The following GRIA1 variants were observed in gnomAD, a reference collection of about 807,000 sequenced individuals.
GRIA1 encodes glutamate ionotropic receptor AMPA type subunit 1.
GRIA1 carries 31 observed loss-of-function variants against 99.2 expected under a neutral mutation model. The ratio of observed to expected loss-of-function variants is 0.31; its 90% confidence interval spans 0.23 to 0.42. The LOEUF is 0.42. Among genes scored for constraint, GRIA1 ranks in the 10% least tolerant of loss-of-function variants. GRIA1 has a pLI of 1.00. For missense variants in GRIA1, 782 were observed against 1,157.5 expected (o/e 0.68, Z 4.71); for synonymous variants, 438 against 432.4 (o/e 1.01, Z -0.16).
chr5:153,617,191 G>C (rs1766581940), intron 2 of GRIA1, among the ~76,000 whole-genome samples: 1 of 151,790 alleles, frequency 6.6e-6, no homozygotes, highest in Non-Finnish European at 1.5e-5. Flanking sequence ...AGATTCCTAT[G>C]AGCCAGAGAA....
At position 153,622,621 on chromosome 5, in the gene GRIA1, TC is replaced by T. The variant is rs546794808; in HGVS notation, c.221-24306del. ...TGAAAGTTAGCTCCATAGCAGGCTT[TC>T]TTCTCTGAGATTTGAATTTATGGAA... On this transcript the variant is annotated intron_variant, in intron 2 of 15. Transcript: ENST00000285900. Among the ~76,000 whole-genome samples the T allele has an allele frequency of 2.6e-4, 39 of 152,334 alleles. No individual in the cohort carries two copies. The East Asian group carries it at 6.2e-3, about 24-fold the overall frequency.
At chr5:153,522,940 C>G (rs1757279895) in intron 2 of GRIA1, among the ~76,000 whole-genome samples, 1 of 151,798 alleles carries the variant, frequency 6.6e-6, no homozygotes, top group South Asian at 2.1e-4. Context: ...GGTATGAATT[C>G]TTATTAATTA....
chr5:153,739,252 G>T (rs1444161434), intron 11 of GRIA1, among the ~76,000 whole-genome samples: 1 of 152,048 alleles, frequency 6.6e-6, no homozygotes, highest in Non-Finnish European at 1.5e-5. Context: ...TTCCACTGGG[G>T]GAACCATTTA....
At chr5:153,654,412 G>A (rs1455252382) in intron 4 of GRIA1, among the ~76,000 whole-genome samples, 1 of 152,062 alleles carries the variant, frequency 6.6e-6, no homozygotes, top group African/African-American at 2.4e-5. Context: ...AAAATATCAT[G>A]TCTTTGCTGT....
intron 2 of GRIA1, among the ~76,000 whole-genome samples, chr5:153,637,034 G>A (rs1277094332): frequency 6.6e-6 from 1 of 152,110 alleles, no homozygotes; most frequent in Non-Finnish European, 1.5e-5. Flanking sequence ...GCATGAAATA[G>A]GAAAAAGAAA....
intron 2 of GRIA1, among the ~76,000 whole-genome samples, chr5:153,514,965 G>A (rs894685644): frequency 2.6e-5 from 4 of 152,116 alleles, no homozygotes; most frequent in Non-Finnish European, 4.4e-5. Context: ...GCAAATGCTG[G>A]TAAGGATGTG....
chr5:153,669,317 T>G (rs1415926577), intron 5 of GRIA1, among the ~76,000 whole-genome samples: 8 of 152,346 alleles, frequency 5.3e-5, no homozygotes, highest in African/African-American at 1.9e-4. Context: ...TGAATAAAGT[T>G]ATATAATGCA....
Position 153,760,366 on chromosome 5 carries a change from A to G in GRIA1, c.1824-4068A>G, listed in dbSNP as rs143864095. Among the ~76,000 whole-genome samples, 588 of 152,242 alleles carry G rather than the reference A, an allele frequency of 3.9e-3. 8 individuals are homozygous for G. The highest frequency in any genetic ancestry group is 0.013 in the African/African-American group (554 of 41,582). ...GGTATAAAATCAAAATACAAAATTAATAGTATTTTTATAGTCTAACAGAAA... is the reference window on the plus strand; with the variant it reads ...GGTATAAAATCAAAATACAAAATTAGTAGTATTTTTATAGTCTAACAGAAA... On this transcript the variant is annotated intron_variant, in intron 11 of 15. Transcript: ENST00000285900.
chr5:153,682,793 G>T (rs759474121), intron 7 of GRIA1, among the ~76,000 whole-genome samples: 3 of 152,104 alleles, frequency 2.0e-5, no homozygotes, highest in Non-Finnish European at 4.4e-5. Flanking sequence ...CTACGATTCT[G>T]AATAAAGTCT....
At chr5:153,716,291 T>A (rs1759663084) in intron 11 of GRIA1, among the ~76,000 whole-genome samples, 1 of 152,202 alleles carries the variant, frequency 6.6e-6, no homozygotes, top group South Asian at 2.1e-4. Context: ...GCTGAGATTA[T>A]AACCTGTGTC....
chr5:153,523,428 C>T (rs1757326254), intron 2 of GRIA1, among the ~76,000 whole-genome samples: 1 of 152,168 alleles, frequency 6.6e-6, no homozygotes, highest in Non-Finnish European at 1.5e-5. Flanking sequence ...GAAATGATTT[C>T]ATTCAGGGCT....
At chr5:153,644,213 G>A (rs1168894084) in intron 2 of GRIA1, among the ~76,000 whole-genome samples, 3 of 152,156 alleles carry the variant, frequency 2.0e-5, no homozygotes, top group African/African-American at 7.2e-5. Context: ...CTTCCTGGTA[G>A]AGAAATCATA....
intron 13 of GRIA1, among the ~76,000 whole-genome samples, chr5:153,788,859 A>G (rs1443564811): frequency 6.6e-6 from 1 of 152,182 alleles, no homozygotes. Flanking sequence ...CCCTTCTATA[A>G]AATCATAACA....
chr5:153,660,059 G>T (rs182895591), intron 5 of GRIA1, among the ~76,000 whole-genome samples: 1 of 152,164 alleles, frequency 6.6e-6, no homozygotes, highest in African/African-American at 2.4e-5. Context: ...TTTTACAGAT[G>T]TGGGAACTGA....
intron 8 of GRIA1, among the ~76,000 whole-genome samples, chr5:153,687,174 C>T (rs1403619178): frequency 1.3e-5 from 2 of 152,146 alleles, no homozygotes; most frequent in Non-Finnish European, 2.9e-5. Context: ...TCATGGCCTT[C>T]ATCACATTGC....
intron 14 of GRIA1, among the ~76,000 whole-genome samples, chr5:153,800,353 A>C (rs1765925691): frequency 6.6e-6 from 1 of 152,242 alleles, no homozygotes; most frequent in South Asian, 2.1e-4. Flanking sequence ...CAGAGGAAGA[A>C]ATACATGCCT....
At chr5:153,555,008 G>T (rs1018636219) in intron 2 of GRIA1, among the ~76,000 whole-genome samples, 7 of 152,196 alleles carry the variant, frequency 4.6e-5, no homozygotes, top group African/African-American at 1.2e-4. Flanking sequence ...CTCTCCATTT[G>T]AGAACACATG....
chr5:153,638,736 T>G (rs1753570344), intron 2 of GRIA1, among the ~76,000 whole-genome samples: 1 of 152,222 alleles, frequency 6.6e-6, no homozygotes, highest in Non-Finnish European at 1.5e-5. Flanking sequence ...TCTTACAAAT[T>G]ACAGAACCTA....
In GRIA1 at chr5:153,698,862, T is replaced by A; in HGVS notation, c.1246-5T>A. On this transcript the variant is annotated splice_region_variant and splice_polypyrimidine_tract_variant and intron_variant, in intron 9 of 15. Transcript: ENST00000285900. ...CATTCTGCTATCTCCCCATTTCTCT[T>A]CCAGGAAGATCCTTATGTGATGCTC... The A allele has an allele frequency of 6.2e-7, 1 of 1,601,240 alleles. No individual in the cohort carries two copies. The highest frequency in any genetic ancestry group is 8.6e-7 in the Non-Finnish European group (1 of 1,168,260).
Sources: allele counts gnomAD v4.1 joint callset (sites outside exome capture counted in the v4.1 genomes callset), GRCh38; gene constraint gnomAD v4.1.1; transcripts MANE v1.5; gene names NCBI Gene and HGNC (gene_info 2026-07-23, HGNC 2026-07-21).